The following PDE1C variants were observed in gnomAD, a reference collection of about 807,000 sequenced individuals.
PDE1C encodes the protein dual specificity calcium/calmodulin-dependent 3',5'-cyclic nucleotide phosphodiesterase 1C.
In PDE1C, 62 loss-of-function variants were observed where a neutral mutation model predicts 93.1. That is an observed-to-expected ratio of 0.67 (90% CI 0.54 to 0.82). The LOEUF (loss-of-function observed/expected upper bound fraction) is 0.82. Ranked by LOEUF, PDE1C falls within the 40% of genes least tolerant of loss-of-function variation. The pLI is 0.00. For synonymous variants in PDE1C, 325 were observed against 310.1 expected, an observed-to-expected ratio of 1.05 and a Z score of -0.50; for missense variants, 742 against 884.6, an observed-to-expected ratio of 0.84 and a Z score of 2.04.
chr7:31,907,614 AAGCAAATGTAT>A (rs1422979712), intron 2 of PDE1C, among the ~76,000 whole-genome samples: 1 of 152,200 alleles, frequency 6.6e-6, no homozygotes, highest in African/African-American at 2.4e-5. Flanking sequence ...TCTTTGTTGA[AAGCAAATGTAT>A]TGCAACTCAT....
intron 2 of PDE1C, among the ~76,000 whole-genome samples, chr7:31,977,901 G>A (rs1376971397): frequency 6.6e-6 from 1 of 152,154 alleles, no homozygotes; most frequent in Admixed American, 6.5e-5. Flanking sequence ...CAAATTGCCT[G>A]CTTACTATGG....
chr7:31,928,574 C>A (rs952401128), intron 2 of PDE1C, among the ~76,000 whole-genome samples: 1 of 152,182 alleles, frequency 6.6e-6, no homozygotes, highest in Admixed American at 6.5e-5. Flanking sequence ...ATCTAACTAA[C>A]AGTGGATCTC....
intron 3 of PDE1C, among the ~76,000 whole-genome samples, chr7:32,106,175 G>A (rs1798300471): frequency 6.6e-6 from 1 of 152,012 alleles, no homozygotes; most frequent in Non-Finnish European, 1.5e-5. Context: ...ACCATACTCG[G>A]CTAATCTTTT....
chr7:32,308,370 C>G (rs1813072352), intron 1 of PDE1C, among the ~76,000 whole-genome samples: 1 of 152,242 alleles, frequency 6.6e-6, no homozygotes, highest in Admixed American at 6.5e-5. Flanking sequence ...TGTCTGACAG[C>G]TTTGAAGAGA....
At chr7:31,863,111 A>G (rs1266962291) in intron 7 of PDE1C, among the ~76,000 whole-genome samples, 1 of 152,202 alleles carries the variant, frequency 6.6e-6, no homozygotes, top group African/African-American at 2.4e-5. Context: ...ACTCACATTA[A>G]AAACATGATG....
intron 5 of PDE1C, among the ~76,000 whole-genome samples, chr7:31,875,831 A>ATATATGTATG (rs761399274): frequency 2.2e-5 from 2 of 90,124 alleles, no homozygotes; most frequent in East Asian, 4.3e-4. Context: ...ATATATATAT[A>ATATATGTATG]TATAATGGAA....
intron 13 of PDE1C, 51 bp from the exon 14 acceptor site, chr7:31,823,299 G>A (rs781734748): frequency 1.3e-6 from 2 of 1,502,720 alleles, no homozygotes; most frequent in Non-Finnish European, 1.8e-6. Flanking sequence ...TTTGGAAAAT[G>A]TCTGCCAATG....
At chr7:31,966,944 G>A (rs946167510) in intron 2 of PDE1C, among the ~76,000 whole-genome samples, 1 of 151,864 alleles carries the variant, frequency 6.6e-6, no homozygotes, top group African/African-American at 2.4e-5. Context: ...AGAATCTCTG[G>A]GACACATTCA....
chr7:32,105,556 A>G (rs1207583835), intron 3 of PDE1C, among the ~76,000 whole-genome samples: 1 of 152,144 alleles, frequency 6.6e-6, no homozygotes, highest in Non-Finnish European at 1.5e-5. Context: ...GGAGAAGGAC[A>G]TACACTCCTC....
chr7:32,203,785 C>T (rs1382249427), intron 2 of PDE1C, among the ~76,000 whole-genome samples: 2 of 152,184 alleles, frequency 1.3e-5, no homozygotes, highest in African/African-American at 2.4e-5. Flanking sequence ...CTTAACTAAG[C>T]ACTTATCCTG....
At chr7:32,381,296 C>T (rs1474130126) in intron 1 of PDE1C, among the ~76,000 whole-genome samples, 1 of 151,970 alleles carries the variant, frequency 6.6e-6, no homozygotes, top group Non-Finnish European at 1.5e-5. Flanking sequence ...GTTTCCCTTA[C>T]CTGAAATCCC....
At chr7:32,150,486 C>T (rs1801174598) in intron 3 of PDE1C, among the ~76,000 whole-genome samples, 1 of 152,086 alleles carries the variant, frequency 6.6e-6, no homozygotes, top group African/African-American at 2.4e-5. Context: ...GATGATCTTC[C>T]AAGATGACAG....
the PDE1C span, among the ~76,000 whole-genome samples, chr7:31,730,667 G>T: frequency 4.9e-4 from 74 of 152,306 alleles, no homozygotes; most frequent in African/African-American, 1.7e-3. Context: ...CAGATATAGA[G>T]GTTGAGTCGT....
chr7:32,113,380 C>T (rs1563323715), intron 3 of PDE1C, among the ~76,000 whole-genome samples: 1 of 148,878 alleles, frequency 6.7e-6, no homozygotes, highest in African/African-American at 2.5e-5. Flanking sequence ...TCATCTCTGT[C>T]TGTCTACATG....
At chr7:32,059,306 T>C (rs1242623683) in intron 1 of PDE1C, among the ~76,000 whole-genome samples, 1 of 152,196 alleles carries the variant, frequency 6.6e-6, no homozygotes, top group Non-Finnish European at 1.5e-5. Flanking sequence ...AGTCAATTTT[T>C]TACTCTTTCT....
the PDE1C span, chr7:31,695,377 C>A: frequency 8.4e-7 from 1 of 1,196,392 alleles, no homozygotes; most frequent in Non-Finnish European, 1.2e-6. Context: ...CACCTCTGTC[C>A]TGTCATCAAG....
At chr7:32,237,768 T>TACA (rs1415805492) in intron 1 of PDE1C, among the ~76,000 whole-genome samples, 1 of 10,742 alleles carries the variant, frequency 9.3e-5, no homozygotes, top group Non-Finnish European at 2.0e-4. Flanking sequence ...ATATACTTTT[T>TACA]TTTTTTTTTT....
At chr7:32,080,292 CT>C (rs1320984309) in intron 3 of PDE1C, among the ~76,000 whole-genome samples, 10 of 152,252 alleles carry the variant, frequency 6.6e-5, no homozygotes, top group Admixed American at 6.5e-4. Flanking sequence ...CCCTGTCCCC[CT>C]GACCTTCCCT....
At position 31,869,634 on chromosome 7, in the gene PDE1C, T is replaced by C. The variant is rs567124504; in HGVS notation, c.609+3658A>G. Among the ~76,000 whole-genome samples, 4 of 152,156 alleles carry C rather than the reference T, an allele frequency of 2.6e-5. No individual in the cohort carries two copies. In the South Asian group the frequency reaches 8.3e-4, roughly 32 times the overall value. On this transcript the variant is annotated intron_variant, in intron 6 of 17. Coordinates refer to ENST00000396191, the MANE Select transcript of PDE1C (RefSeq NM_001191057.4). ...CCCAGATGTATAAAGCAAATATTAC[T>C]AGACCTAAAGAAGAGAGAGACTCTA...
Sources: allele counts gnomAD v4.1 joint callset (sites outside exome capture counted in the v4.1 genomes callset), GRCh38; gene constraint gnomAD v4.1.1; transcripts MANE v1.5; gene names NCBI Gene and HGNC (gene_info 2026-07-23, HGNC 2026-07-21).